PDE4D: variants seen among roughly 807,000 people sequenced by gnomAD.
PDE4D encodes the protein phosphodiesterase 4D.
A neutral mutation model predicts 87.4 loss-of-function variants in PDE4D; 24 were observed. That is an observed-to-expected ratio of 0.27 (90% CI 0.20 to 0.39). The LOEUF (loss-of-function observed/expected upper bound fraction) is 0.39, where lower values mean the gene tolerates loss of function less well. PDE4D is among the 10% of genes least tolerant of loss of function. The probability of loss-of-function intolerance (pLI) is 1.00; values close to 1 mark genes in which losing one functional copy is unlikely to be tolerated. For synonymous variants in PDE4D, 384 were observed against 383.2 expected (o/e 1.00, Z -0.02); for missense variants, 714 against 1,041.0 (o/e 0.69, Z 4.32).
chr5:59,754,797 A>ATTTTTTTTTTTTTTTTTTTTTTTTT lies in PDE4D; in HGVS notation c.455+138346_455+138370dup, dbSNP rs754869518. ...GCAGGTACAGAATTTTCCACAGAAC[A>ATTTTTTTTTTTTTTTTTTTTTTTTT]TTTTTTTTTTTTTTTTTTTTTTTTT... On this transcript the variant is annotated intron_variant, in intron 1 of 14. Transcript: ENST00000340635. Among the ~76,000 whole-genome samples the ATTTTTTTTTTTTTTTTTTTTTTTTT allele has an allele frequency of 4.1e-5, 4 of 96,868 alleles. 1 individual carries two copies. Among genetic ancestry groups the ATTTTTTTTTTTTTTTTTTTTTTTTT allele is most frequent in the African/African-American group, 4.1e-5 (1 of 24,100 alleles). 63.5% of individuals were successfully genotyped at this position (96,868 alleles called of 152,430 possible).
chr5:59,180,518 T>C (rs930671126), intron 5 of PDE4D, 77 bp downstream of exon 5: 2 of 1,070,128 alleles, frequency 1.9e-6, no homozygotes, highest in Non-Finnish European at 1.4e-6. Flanking sequence ...ATGAAATTGG[T>C]GTTGGTGTTA....
exon 3 of PDE4D, chr5:59,988,495 A>G (rs1328562408): frequency 6.3e-7 from 1 of 1,588,518 alleles, no homozygotes; most frequent in East Asian, 2.2e-5. Flanking sequence ...CACCCACTGG[A>G]TTCTGCAGAA....
chr5:60,042,721 A>G (rs1465118737), intron 2 of PDE4D, among the ~76,000 whole-genome samples: 1 of 152,208 alleles, frequency 6.6e-6, no homozygotes. Context: ...TGTTAGAAGG[A>G]AAACTAACAA....
chr5:59,325,778 A>G (rs1775529363), intron 1 of PDE4D, among the ~76,000 whole-genome samples: 1 of 152,078 alleles, frequency 6.6e-6, no homozygotes, highest in African/African-American at 2.4e-5. Context: ...ACTAATTTCT[A>G]TGTGTGGAGG....
intron 1 of PDE4D, among the ~76,000 whole-genome samples, chr5:59,872,218 C>T (rs1415131818): frequency 6.6e-6 from 1 of 151,364 alleles, no homozygotes; most frequent in African/African-American, 2.4e-5. Context: ...GAGCATTATC[C>T]TGTAAACAAT....
At chr5:60,161,611 G>C (rs1191427946) in intron 2 of PDE4D, among the ~76,000 whole-genome samples, 1 of 152,096 alleles carries the variant, frequency 6.6e-6, no homozygotes, top group African/African-American at 2.4e-5. Context: ...TAATTTTTCA[G>C]ATCTGTGCAA....
chr5:59,253,582 C>T (rs1325607691), intron 1 of PDE4D, among the ~76,000 whole-genome samples: 4 of 151,984 alleles, frequency 2.6e-5, no homozygotes, highest in Admixed American at 2.0e-4. Flanking sequence ...TGATTTTACT[C>T]CTCTCAAAGG....
intron 1 of PDE4D, among the ~76,000 whole-genome samples, chr5:59,698,205 G>A (rs993290763): frequency 6.6e-6 from 1 of 152,028 alleles, no homozygotes; most frequent in Non-Finnish European, 1.5e-5. Flanking sequence ...TTAAGCAGAG[G>A]GATGGAGAAA....
intron 2 of PDE4D, among the ~76,000 whole-genome samples, chr5:60,140,638 A>G (rs1203236651): frequency 3.3e-5 from 5 of 151,996 alleles, no homozygotes; most frequent in Non-Finnish European, 5.9e-5. Flanking sequence ...ATTAGATGAA[A>G]TGTGTTTGCT....
chr5:60,292,734 C>G (rs556205686), intron 1 of PDE4D, among the ~76,000 whole-genome samples: 1 of 152,286 alleles, frequency 6.6e-6, no homozygotes, highest in Admixed American at 6.5e-5. Context: ...AACAGGTCCT[C>G]TCCCCCTTCC....
intron 11 of PDE4D, 110 bp from the exon 12 acceptor site, chr5:58,977,455 C>T: frequency 3.3e-6 from 3 of 898,044 alleles, no homozygotes; most frequent in Non-Finnish European, 5.2e-6. Context: ...TCTCTGCTGC[C>T]CTTATCATTA....
intron 1 of PDE4D, among the ~76,000 whole-genome samples, chr5:59,748,195 G>T (rs959467526): frequency 1.3e-5 from 2 of 152,310 alleles, no homozygotes; most frequent in South Asian, 2.1e-4. Context: ...ATAGTGTGTT[G>T]CTGCCAAGTC....
At chr5:60,125,345 A>G (rs1167106483) in intron 2 of PDE4D, among the ~76,000 whole-genome samples, 1 of 152,148 alleles carries the variant, frequency 6.6e-6, no homozygotes, top group Non-Finnish European at 1.5e-5. Context: ...AACTTGTGAA[A>G]TCTACCTTAG....
chr5:59,667,509 T>G (rs1269316554), intron 1 of PDE4D, among the ~76,000 whole-genome samples: 1 of 152,132 alleles, frequency 6.6e-6, no homozygotes, highest in East Asian at 1.9e-4. Flanking sequence ...ATGGTCTGCT[T>G]GTACTCAAAC....
intron 1 of PDE4D, among the ~76,000 whole-genome samples, chr5:59,552,936 T>C (rs1249008885): frequency 6.6e-6 from 1 of 152,200 alleles, no homozygotes; most frequent in African/African-American, 2.4e-5. Context: ...AAAAGTTGAT[T>C]TTCTTTTCAC....
At chr5:59,224,648 G>T (rs1753341534) in intron 1 of PDE4D, among the ~76,000 whole-genome samples, 1 of 152,112 alleles carries the variant, frequency 6.6e-6, no homozygotes, top group African/African-American at 2.4e-5. Flanking sequence ...ATCACCAATG[G>T]TTACATGAGG....
chr5:59,013,753 C>G (rs1753355298), intron 6 of PDE4D, among the ~76,000 whole-genome samples: 1 of 151,804 alleles, frequency 6.6e-6, no homozygotes, highest in African/African-American at 2.4e-5. Context: ...TGAAACTATT[C>G]CAATCAATAG....
At chr5:60,473,874 C>T (rs984128504) in intron 1 of PDE4D, among the ~76,000 whole-genome samples, 5 of 151,308 alleles carry the variant, frequency 3.3e-5, no homozygotes, top group Non-Finnish European at 7.4e-5. Flanking sequence ...AGCCCCCGCC[C>T]GCCGCATTAT....
At chr5:60,442,754 C>G (rs959910679) in intron 1 of PDE4D, among the ~76,000 whole-genome samples, 2 of 151,940 alleles carry the variant, frequency 1.3e-5, no homozygotes, top group Non-Finnish European at 2.9e-5. Flanking sequence ...ATTCTTAGGT[C>G]TCAAGTTTGG....
Sources: allele counts gnomAD v4.1 joint callset (sites outside exome capture counted in the v4.1 genomes callset), GRCh38; gene constraint gnomAD v4.1.1; transcripts MANE v1.5; gene names NCBI Gene and HGNC (gene_info 2026-07-23, HGNC 2026-07-21).